Variants in BLK observed in about 807,000 individuals in gnomAD.
BLK encodes BLK proto-oncogene, Src family tyrosine kinase.
BLK carries 64 observed loss-of-function variants against 61.8 expected under a neutral mutation model. The observed-to-expected ratio is 1.03, with a 90% CI of 0.85 to 1.27. The LOEUF is 1.27. Among genes scored for constraint, BLK ranks in the 50% most tolerant of loss-of-function variants. The pLI is 0.00. For synonymous variants in BLK, 351 were observed against 272.0 expected (o/e 1.29, Z -2.86); for missense variants, 853 against 660.5 (o/e 1.29, Z -3.19).
intron 1 of BLK, among the ~76,000 whole-genome samples, chr8:11,540,141 C>T (rs1233814796): frequency 6.6e-6 from 1 of 151,998 alleles, no homozygotes; most frequent in Admixed American, 6.6e-5. Context: ...CAGTTTCTTA[C>T]ATTTCTTTTA....
intron 10 of BLK, chr8:11,558,818 C>T (rs2117579787): frequency 2.2e-6 from 1 of 455,610 alleles, no homozygotes; most frequent in Admixed American, 2.4e-5. Context: ...CACGTGCGTA[C>T]ACATACACAC....
chr8:11,529,479 G>A (rs1585363461), intron 1 of BLK, among the ~76,000 whole-genome samples: 1 of 152,134 alleles, frequency 6.6e-6, no homozygotes, highest in African/African-American at 2.4e-5. Context: ...TGATCTGGGT[G>A]GTGCCAGCTG....
intron 6 of BLK, among the ~76,000 whole-genome samples, chr8:11,550,983 C>G (rs868691849): frequency 6.6e-6 from 1 of 152,170 alleles, no homozygotes; most frequent in Non-Finnish European, 1.5e-5. Flanking sequence ...CAGGAGCCCC[C>G]TCACTCCCCC....
chr8:11,549,735 C>T (rs1157407857), intron 5 of BLK, among the ~76,000 whole-genome samples: 1 of 152,220 alleles, frequency 6.6e-6, no homozygotes, highest in African/African-American at 2.4e-5. Flanking sequence ...CTGTCCTGCA[C>T]AGAACAACCC....
At chr8:11,535,375 A>G (rs1460162861) in intron 1 of BLK, among the ~76,000 whole-genome samples, 1 of 152,354 alleles carries the variant, frequency 6.6e-6, no homozygotes, top group South Asian at 2.1e-4. Context: ...GATATATTGC[A>G]CAAAGCATTA....
Position 11,563,898 on chromosome 8 carries a change from C to T in BLK, c.1313-5C>T, listed in dbSNP as rs754626704. On this transcript the variant is annotated splice_polypyrimidine_tract_variant and splice_region_variant and intron_variant, in intron 12 of 12. Transcript: ENST00000259089. ...CACCCCCGCTTGCGGTCTCCTCTGC[C>T]GCAGGGATGAGCAACCCCGAGGTCA... The T allele has an allele frequency of 1.9e-6, 3 of 1,608,358 alleles. No individual in the cohort carries two copies. The highest frequency in any genetic ancestry group is 2.2e-5 in the South Asian group (2 of 90,896).
intron 1 of BLK, chr8:11,509,325 A>G (rs936764561): frequency 6.6e-5 from 10 of 152,036 alleles, no homozygotes; most frequent in Non-Finnish European, 1.0e-4. Flanking sequence ...TTTACCATCC[A>G]CCATCCACAG....
At chr8:11,534,837 G>C (rs1800046032) in intron 1 of BLK, among the ~76,000 whole-genome samples, 1 of 152,186 alleles carries the variant, frequency 6.6e-6, no homozygotes, top group South Asian at 2.1e-4. Context: ...ATCAGGCTCT[G>C]TGCTAGTGCT....
intron 5 of BLK, chr8:11,549,848 A>T (rs933123141): frequency 4.2e-5 from 17 of 401,614 alleles, no homozygotes; most frequent in Non-Finnish European, 7.6e-5. Context: ...TGTGATACGC[A>T]GCTGTGCTTT....
At chr8:11,545,270 C>T (rs998379728) in intron 2 of BLK, among the ~76,000 whole-genome samples, 5 of 152,248 alleles carry the variant, frequency 3.3e-5, no homozygotes, top group East Asian at 1.9e-4. Flanking sequence ...ATGTATCGGT[C>T]GGGCATGATG....
chr8:11,506,766 C>G (rs1798783813), intron 1 of BLK, among the ~76,000 whole-genome samples: 1 of 152,136 alleles, frequency 6.6e-6, no homozygotes, highest in Non-Finnish European at 1.5e-5. Context: ...CTGGCCAAGC[C>G]CCCTCTCAGA....
intron 1 of BLK, among the ~76,000 whole-genome samples, chr8:11,518,438 G>A (rs1196923229): frequency 6.6e-6 from 1 of 152,110 alleles, no homozygotes; most frequent in South Asian, 2.1e-4. Context: ...TTGGTGGGGG[G>A]CAGAAGATTT....
In BLK at chr8:11,526,562, T is replaced by C. The variant is rs556425546; in HGVS notation, c.-1-16662T>C. Among the ~76,000 whole-genome samples the C allele has an allele frequency of 5.3e-5, 8 of 152,066 alleles. No individual in the cohort carries two copies. The South Asian group carries it at 1.7e-3, about 32-fold the overall frequency. On this transcript the variant is annotated intron_variant, in intron 1 of 12. Coordinates refer to ENST00000259089, the MANE Select transcript of BLK (RefSeq NM_001715.3). The stretch of plus-strand genomic sequence containing the variant: ...GATGAAACCCCATCTCTAATACAAA[T>C]ACAAAAATTAGCTGGGCGTTGTGGC...
At chr8:11,534,425 A>G (rs1364191920) in intron 1 of BLK, among the ~76,000 whole-genome samples, 2 of 152,206 alleles carry the variant, frequency 1.3e-5, no homozygotes, top group East Asian at 1.9e-4. Flanking sequence ...ATTCACTCAC[A>G]TAAAGGAATT....
intron 1 of BLK, among the ~76,000 whole-genome samples, chr8:11,498,071 T>C (rs759809780): frequency 6.6e-6 from 1 of 152,222 alleles, no homozygotes; most frequent in Non-Finnish European, 1.5e-5. Context: ...CTTTCCACAT[T>C]GTAATCAAGG....
chr8:11,558,516 C>A (rs913832593), intron 10 of BLK: 26 of 391,938 alleles, frequency 6.6e-5, no homozygotes, highest in Non-Finnish European at 1.2e-4. Context: ...GATGGGCAGG[C>A]CTGAGCTACA....
At chr8:11,539,049 A>G (rs540868662) in intron 1 of BLK, among the ~76,000 whole-genome samples, 42 of 152,258 alleles carry the variant, frequency 2.8e-4, no homozygotes, top group Non-Finnish European at 5.9e-4. Flanking sequence ...TTGCATTAGC[A>G]CACACACCGT....
At chr8:11,503,649 T>C (rs138859041) in intron 1 of BLK, among the ~76,000 whole-genome samples, 72 of 152,310 alleles carry the variant, frequency 4.7e-4, no homozygotes, top group African/African-American at 1.7e-3. Context: ...AGGGTGCTCT[T>C]TCTTGGCAAG....
intron 6 of BLK, among the ~76,000 whole-genome samples, chr8:11,553,775 G>A (rs932975051): frequency 1.3e-5 from 2 of 152,204 alleles, no homozygotes; most frequent in Non-Finnish European, 2.9e-5. Flanking sequence ...CCTTTTGCAA[G>A]TAGGTGATGA....
Sources: allele counts gnomAD v4.1 joint callset (sites outside exome capture counted in the v4.1 genomes callset), GRCh38; gene constraint gnomAD v4.1.1; transcripts MANE v1.5; gene names NCBI Gene and HGNC (gene_info 2026-07-23, HGNC 2026-07-21).